The following DUSP18 variants were observed in gnomAD, a reference collection of about 807,000 sequenced individuals.
DUSP18 encodes the protein dual specificity phosphatase 18.
DUSP18 carries 4 observed loss-of-function variants against 6.3 expected under a neutral mutation model. That is an observed-to-expected ratio of 0.63 (90% CI 0.31 to 1.45). The LOEUF is 1.45. Among genes scored for constraint, DUSP18 ranks in the 40% most tolerant of loss-of-function variants. The pLI is 0.07. For missense variants in DUSP18, 235 were observed against 247.7 expected, an observed-to-expected ratio of 0.95 and a Z score of 0.34; for synonymous variants, 96 against 95.1, an observed-to-expected ratio of 1.01 and a Z score of -0.05.
intron 2 of DUSP18, chr22:30,654,147 TTTTA>T (rs1358426150): frequency 9.0e-6 from 2 of 223,092 alleles, no homozygotes; most frequent in East Asian, 1.5e-4. Context: ...GCCCGGCTAT[TTTTA>T]TTTTTTATTT....
downstream of DUSP18, among the ~76,000 whole-genome samples, chr22:30,660,481 T>G (rs2088434497): frequency 6.6e-6 from 1 of 151,800 alleles, no homozygotes; most frequent in South Asian, 2.1e-4. Flanking sequence ...CTAGAGAAAA[T>G]TTTTTAAAAA....
At chr22:30,658,756 G>A (rs947618360), downstream of DUSP18, among the ~76,000 whole-genome samples, 1 of 152,134 alleles carries the variant, frequency 6.6e-6, no homozygotes, top group African/African-American at 2.4e-5. Flanking sequence ...CAGTGAATGA[G>A]AACTGAACTA....
intron 2 of DUSP18, chr22:30,654,643 C>A: frequency 2.2e-6 from 1 of 454,520 alleles, no homozygotes; most frequent in East Asian, 6.1e-5. Flanking sequence ...GCTGTTCATC[C>A]ACTTGTGGAG....
At chr22:30,666,656 A>T (rs1481068188) in intron 1 of DUSP18, among the ~76,000 whole-genome samples, 2 of 146,568 alleles carry the variant, frequency 1.4e-5, no homozygotes, top group Non-Finnish European at 3.0e-5. Flanking sequence ...AGCAATCTCT[A>T]TCAGGCACTG....
intron 1 of DUSP18, 21 bp from the exon 2 acceptor site, chr22:30,664,101 T>A: frequency 8.6e-7 from 1 of 1,156,612 alleles, no homozygotes; most frequent in Non-Finnish European, 1.2e-6. Context: ...GGAGAGGATG[T>A]TTAGAGGGCA....
chr22:30,657,903 CAAAAAT>C (rs2088375460), downstream of DUSP18, among the ~76,000 whole-genome samples: 1 of 111,336 alleles, frequency 9.0e-6, no homozygotes, highest in South Asian at 3.0e-4. Context: ...GACTCTGTCT[CAAAAAT>C]AATAATAATA....
At chr22:30,653,183 G>A (rs1464970872) in intron 2 of DUSP18, among the ~76,000 whole-genome samples, 1 of 152,168 alleles carries the variant, frequency 6.6e-6, no homozygotes, top group Non-Finnish European at 1.5e-5. Flanking sequence ...GGCAGGTCAA[G>A]GCCTGGGCTC....
intron 2 of DUSP18, among the ~76,000 whole-genome samples, chr22:30,652,961 A>C (rs992435356): frequency 1.3e-5 from 2 of 152,194 alleles, no homozygotes; most frequent in Non-Finnish European, 2.9e-5. Flanking sequence ...ATATCAGTGA[A>C]TATCTATTGA....
At chr22:30,652,644 C>T (rs1052009343) in intron 2 of DUSP18, among the ~76,000 whole-genome samples, 3 of 152,232 alleles carry the variant, frequency 2.0e-5, no homozygotes, top group Non-Finnish European at 2.9e-5. Flanking sequence ...TTCAGATTTA[C>T]ATTCAAAATG....
chr22:30,664,124 G>GAA, intron 1 of DUSP18, 44 bp from the exon 2 acceptor site: 1 of 904,982 alleles, frequency 1.1e-6, no homozygotes, highest in Admixed American at 2.6e-5. Flanking sequence ...TGCCCAGAGG[G>GAA]CCAATTCCAG....
At chr22:30,661,190 C>T (rs5997729), downstream of DUSP18, among the ~76,000 whole-genome samples, 4,184 of 152,188 alleles carry the variant, frequency 0.027, 79 homozygotes, top group African/African-American at 0.04. Flanking sequence ...AAAAAATCTA[C>T]AATAGCCACC....
downstream of DUSP18, among the ~76,000 whole-genome samples, chr22:30,657,326 G>A (rs2088361090): frequency 1.3e-5 from 2 of 151,194 alleles, no homozygotes; most frequent in Admixed American, 1.3e-4. Context: ...GGGCGTGGGG[G>A]CGGGCACCTG....
In DUSP18 at chr22:30,662,113, A is replaced by G. The variant is rs2088493020; in HGVS notation, c.*1324T>C. 6.7e-6 allele frequency: 1 copy of G among 149,664 alleles called. No homozygotes were observed. The highest frequency in any genetic ancestry group is 2.1e-4 in the South Asian group (1 of 4,764). The allele number at this position is 149,664 out of a possible 1,614,324, so 9.3% of individuals were successfully genotyped here. A position where few individuals can be genotyped will look rare whatever the true frequency, so the allele number is the denominator to read the frequency against. ...CAATAAAGTGCTGTGCACAGAAAGG[A>G]GAAATGCCATTATGGGGATGTGTGT... On this transcript the variant is annotated 3_prime_UTR_variant, in exon 2 of 2. Coordinates refer to ENST00000334679, the MANE Select transcript of DUSP18 (RefSeq NM_152511.5).
In DUSP18 at chr22:30,663,651, T is replaced by C. The variant is rs1375664455; in HGVS notation, c.353A>G (p.Tyr118Cys). 9 of 1,613,996 alleles carry C rather than the reference T, an allele frequency of 5.6e-6. No individual in the cohort carries two copies. The highest frequency in any genetic ancestry group is 1.7e-5 in the Admixed American group (1 of 59,982). ...VSRSAALCLA[Y>C]LMKYHAMSLL... ...GGACATGGCGTGGTACTTCATGAGGTAGGCGAGGCACAGGGCAGCTGAGCG... is the reference window on the plus strand; with the variant it reads ...GGACATGGCGTGGTACTTCATGAGGCAGGCGAGGCACAGGGCAGCTGAGCG... Residue 118 changes from tyrosine (Y) to cysteine (C), a missense_variant, in exon 2 of 2, where the codon TAC becomes TGC. Coordinates refer to ENST00000334679, the MANE Select transcript of DUSP18 (RefSeq NM_152511.5).
At chr22:30,654,273 C>T (rs1431432789) in intron 2 of DUSP18, 8 of 434,704 alleles carry the variant, frequency 1.8e-5, no homozygotes, top group East Asian at 6.7e-5. Context: ...CGTGAGCCAC[C>T]GCGCCCGGCC....
intron 2 of DUSP18, among the ~76,000 whole-genome samples, chr22:30,652,665 G>A (rs1041877104): frequency 1.3e-5 from 2 of 152,224 alleles, no homozygotes; most frequent in East Asian, 1.9e-4. Context: ...GGGCATTCAC[G>A]TGGCTGTTGG....
At chr22:30,664,774 A>G (rs148650047) in intron 1 of DUSP18, among the ~76,000 whole-genome samples, 3 of 152,336 alleles carry the variant, frequency 2.0e-5, no homozygotes, top group East Asian at 1.9e-4. Context: ...GCCTCTGAAG[A>G]AGGCCTGGGA....
chr22:30,657,661 T>G (rs2088368269), downstream of DUSP18, among the ~76,000 whole-genome samples: 1 of 151,426 alleles, frequency 6.6e-6, no homozygotes, highest in Non-Finnish European at 1.5e-5. Context: ...TCCCAGTACT[T>G]TGGGAGGCCG....
At chr22:30,659,156 G>C (rs1448445774), downstream of DUSP18, among the ~76,000 whole-genome samples, 1 of 144,924 alleles carries the variant, frequency 6.9e-6, no homozygotes, top group Non-Finnish European at 1.5e-5. Flanking sequence ...AGAAGAAACT[G>C]AACTGATACT....
Sources: allele counts gnomAD v4.1 joint callset (sites outside exome capture counted in the v4.1 genomes callset), GRCh38; gene constraint gnomAD v4.1.1; transcripts MANE v1.5; gene names NCBI Gene and HGNC (gene_info 2026-07-23, HGNC 2026-07-21).